Variants in COL5A3 observed in about 807,000 individuals in gnomAD.
The protein encoded by COL5A3 is collagen type V alpha 3 chain, also known as collagen alpha-3(V) chain.
A neutral mutation model predicts 250.0 loss-of-function variants in COL5A3; 172 were observed. The observed-to-expected ratio is 0.69, with a 90% CI of 0.61 to 0.78. The LOEUF is 0.78. Among genes scored for constraint, COL5A3 ranks in the 30% least tolerant of loss-of-function variants. The pLI, the probability that COL5A3 is intolerant of heterozygous loss-of-function variation, is 0.00. For missense variants in COL5A3, 2,340 were observed against 2,334.4 expected, an observed-to-expected ratio of 1.00 and a Z score of -0.05; for synonymous variants, 937 against 900.4, an observed-to-expected ratio of 1.04 and a Z score of -0.73.
At chr19:10,000,790 C>T (rs1300076310) in intron 8 of COL5A3, among the ~76,000 whole-genome samples, 1 of 152,082 alleles carries the variant, frequency 6.6e-6, no homozygotes, top group African/African-American at 2.4e-5. Context: ...GTAGAAATCC[C>T]TTCTAAGACC....
Position 9,973,042 on chromosome 19 carries a change from T to C in COL5A3, c.3667-16A>G. 1 of 1,587,846 alleles carries C rather than the reference T, an allele frequency of 6.3e-7. No individual in the cohort carries two copies. The highest frequency in any genetic ancestry group is 1.1e-5 in the South Asian group (1 of 87,522). On this transcript the variant is annotated splice_polypyrimidine_tract_variant and intron_variant, in intron 50 of 66. Transcript: ENST00000264828. ...CCTTGGGCCCCTTTACAGAAAGAGG[T>C]CAGAGGTCAGAGTGGCCTGGACTCT... is the stretch of plus-strand genomic sequence containing the variant.
intron 8 of COL5A3, 75 bp from the exon 9 acceptor site, chr19:9,998,224 AC>A: frequency 7.7e-7 from 1 of 1,295,966 alleles, no homozygotes; most frequent in Non-Finnish European, 1.1e-6. Context: ...ATCTGATCAC[AC>A]ACACTTGCAC....
Position 9,980,074 on chromosome 19 carries a change from T to TG in COL5A3, c.2605-28_2605-27insC, listed in dbSNP as rs2086985995. ...TGAAATGGAAACAGAAATCATGATC[T>TG]CATCCCCCCTGCCTCCCTGCCCACT... On this transcript the variant is annotated intron_variant, in intron 35 of 66. Transcript: ENST00000264828. 5.7e-6 allele frequency: 9 copies of TG among 1,584,628 alleles called. No homozygotes were observed. The Admixed American group carries it at 1.7e-4, about 30-fold the overall frequency.
chr19:9,977,102 G>C (rs1335768045), intron 44 of COL5A3, 127 bp downstream of exon 44: 1 of 888,450 alleles, frequency 1.1e-6, no homozygotes, highest in African/African-American at 1.7e-5. Context: ...TAATTGTCAA[G>C]ATGGTACCCG....
rs890005459 is a variant in COL5A3, at chr19:10,010,486, T to C, written c.-101A>G. ...CAGTCACTCGCGGCGGCCGCTCCTCTCAGGGTCCGCGGGAAACTGCCCGAG... is the reference window on the plus strand; with the variant it reads ...CAGTCACTCGCGGCGGCCGCTCCTCCCAGGGTCCGCGGGAAACTGCCCGAG... On this transcript the variant is annotated 5_prime_UTR_variant, in exon 1 of 67. Coordinates refer to ENST00000264828, the MANE Select transcript of COL5A3 (RefSeq NM_015719.4). 17 of 750,540 alleles carry C rather than the reference T, an allele frequency of 2.3e-5. No individual in the cohort carries two copies. The highest frequency in any genetic ancestry group is 1.7e-4 in the Admixed American group (4 of 23,018). 46.5% of individuals were successfully genotyped at this position (750,540 alleles called of 1,614,324 possible).
chr19:9,966,578 C>A lies in COL5A3; in HGVS notation c.4627G>T (p.Val1543Leu). The A allele has an allele frequency of 6.5e-7, 1 of 1,542,386 alleles. No homozygotes were observed. Among genetic ancestry groups the A allele is most frequent in the Non-Finnish European group, 8.7e-7 (1 of 1,147,506 alleles). Residue 1543 changes from valine (V) to leucine (L), a missense_variant, in exon 63 of 67, where the codon GTG becomes TTG. Physicochemically the swap from Val to Leu is conservative, Grantham distance 32. This residue lies in a region of COL5A3 where 1,179 missense variants were observed against 1,162.6 expected (regional missense o/e 1.01). Transcript: ENST00000264828. ...PPGTAERPGL[V>L]CHELHRNHPH... ...TGGTTGCGGTGCAGCTCGTGGCACA[C>A]GAGGCCCGGGCGCTCCGCAGTGCCG...
chr19:9,968,002 A>G lies in COL5A3; in HGVS notation c.4368+24T>C, dbSNP rs2086778202. 6.3e-7 allele frequency: 1 copy of G among 1,595,944 alleles called. No homozygotes were observed. Among genetic ancestry groups the G allele is most frequent in the African/African-American group, 1.4e-5 (1 of 73,926 alleles). On this transcript the variant is annotated intron_variant, in intron 60 of 66. Coordinates refer to ENST00000264828, the MANE Select transcript of COL5A3 (RefSeq NM_015719.4). This position sits in a 1 kb window ranked among gnomAD's most constrained non-coding sequence, Gnocchi z 4.1. ...TGGACCACCACAGTGACCTCATCCC[A>G]CAAAAGATTCCCTGCATACTCACCG...
In COL5A3 at chr19:10,001,609, T is replaced by C; in HGVS notation, c.1025A>G (p.Glu342Gly). 6.2e-7 allele frequency: 1 copy of C among 1,614,084 alleles called. No individual in the cohort carries two copies. The highest frequency in any genetic ancestry group is 1.3e-5 in the African/African-American group (1 of 75,010). Residue 342 changes from glutamate (E) to glycine (G), a missense_variant, in exon 8 of 67, where the codon GAG becomes GGG. Around this residue, in one of 3 missense-constraint regions of COL5A3, gnomAD observed 1,152 missense variants for 1,146.3 expected, o/e 1.00. Transcript: ENST00000264828. The stretch of plus-strand genomic sequence containing the variant: ...GGTGGAATCATCTCCTTCTTCATCC[T>C]CCCTGGCTGCCTTGGTCTCCAGGGT... ...LGTLETKAAR[E>G]DEEGDDSTMG...
intron 31 of COL5A3, among the ~76,000 whole-genome samples, chr19:9,982,781 G>A (rs960480909): frequency 5.9e-5 from 9 of 152,216 alleles, no homozygotes; most frequent in African/African-American, 1.4e-4. Flanking sequence ...GTGGCATCCC[G>A]CCTCAAAGCC....
chr19:10,007,058 C>A (rs9797822), intron 1 of COL5A3, among the ~76,000 whole-genome samples: 38,868 of 149,438 alleles, frequency 0.26, 5,416 homozygotes, highest in South Asian at 0.34. Flanking sequence ...CTCTGACTTT[C>A]CCCTTTGACC....
chr19:9,971,543 G>A (rs189808587), intron 51 of COL5A3, among the ~76,000 whole-genome samples: 166 of 152,018 alleles, frequency 1.1e-3, no homozygotes, highest in East Asian at 4.1e-3. Flanking sequence ...TCATTGATTC[G>A]TCTATTCATT....
chr19:9,997,360 G>C lies in COL5A3; in HGVS notation c.1263+11C>G. 2 of 1,603,110 alleles carry C rather than the reference G, an allele frequency of 1.2e-6. No homozygotes were observed. Among genetic ancestry groups the C allele is most frequent in the African/African-American group, 2.7e-5 (2 of 74,874 alleles). ...CTCTGAGAAGTGTACACCCCAGTGG[G>C]AGTCTCTTACCGGTGGACCAGGGTC... On this transcript the variant is annotated intron_variant, in intron 11 of 66. Coordinates refer to ENST00000264828, the MANE Select transcript of COL5A3 (RefSeq NM_015719.4).
In COL5A3 at chr19:10,001,602, T is replaced by G; in HGVS notation, c.1032A>C (p.Glu344Asp). The G allele has an allele frequency of 6.2e-7, 1 of 1,614,118 alleles. No homozygotes were observed. The highest frequency in any genetic ancestry group is 8.5e-7 in the Non-Finnish European group (1 of 1,179,996). ...GGCCCATGGTGGAATCATCTCCTTCTTCATCCTCCCTGGCTGCCTTGGTCT... is the reference window on the plus strand; with the variant it reads ...GGCCCATGGTGGAATCATCTCCTTCGTCATCCTCCCTGGCTGCCTTGGTCT... Reference protein sequence around the residue: ...TLETKAAREDEEGDDSTMGPD... With the variant: ...TLETKAAREDDEGDDSTMGPD... Residue 344 changes from glutamate (E) to aspartate (D), a missense_variant, in exon 8 of 67, where the codon GAA (glutamate) becomes GAC (aspartate). This residue lies in a region of COL5A3 where 1,152 missense variants were observed against 1,146.3 expected (regional missense o/e 1.00). Coordinates refer to ENST00000264828, the MANE Select transcript of COL5A3 (RefSeq NM_015719.4).
At position 10,006,080 on chromosome 19, in the gene COL5A3, G is replaced by C; in HGVS notation, c.240C>G (p.Leu80=). ...CCTCCTACTCCAACTCACCTGGAAA[G>C]AGTTCCCACGTGGGGATGCCGAGCG... is the stretch of plus-strand genomic sequence containing the variant. ...ASTLGIPTWE[L]FPEGHFPENF... is the part of the protein sequence containing the mutation. The change falls in exon 2 of 67, where the codon CTC becomes CTG. Residue 80 remains leucine, a synonymous_variant. Transcript: ENST00000264828. 2 of 1,614,020 alleles carry C rather than the reference G, an allele frequency of 1.2e-6. No homozygotes were observed. Among genetic ancestry groups the C allele is most frequent in the Non-Finnish European group, 1.7e-6 (2 of 1,179,908 alleles).
intron 31 of COL5A3, among the ~76,000 whole-genome samples, chr19:9,982,407 A>T (rs1394771738): frequency 1.3e-5 from 2 of 151,976 alleles, no homozygotes; most frequent in Non-Finnish European, 2.9e-5. Context: ...TCTCATTCAG[A>T]TGTCACCTCC....
intron 61 of COL5A3, 51 bp from the exon 62 acceptor site, chr19:9,967,451 CCA>C: frequency 7.6e-7 from 1 of 1,310,182 alleles, no homozygotes; most frequent in South Asian, 1.5e-5. Flanking sequence ...GAGACCCTTC[CCA>C]CCAACATACA....
At chr19:9,978,213 C>T (rs2086951587) in intron 41 of COL5A3, among the ~76,000 whole-genome samples, 1 of 152,042 alleles carries the variant, frequency 6.6e-6, no homozygotes, top group African/African-American at 2.4e-5. Context: ...GGCTTCCCAT[C>T]ATGGCTATTT....
At chr19:10,001,720 G>C (rs764654433) in intron 7 of COL5A3, 48 bp downstream of exon 7, 1 of 1,612,668 alleles carries the variant, frequency 6.2e-7, no homozygotes, top group East Asian at 2.2e-5. Context: ...CTTATTTTCT[G>C]CCACCCCCGT....
chr19:9,999,043 T>TTTCTATCC (rs1457618393), intron 8 of COL5A3, among the ~76,000 whole-genome samples: 1 of 133,426 alleles, frequency 7.5e-6, no homozygotes, highest in Non-Finnish European at 1.7e-5. Flanking sequence ...TTTTTCTTTC[T>TTTCTATCC]CTTTCTTTCT....
Sources: allele counts gnomAD v4.1 joint callset (sites outside exome capture counted in the v4.1 genomes callset), GRCh38; gene constraint gnomAD v4.1.1; regional missense constraint gnomAD v4.1.1; non-coding constraint Gnocchi (gnomAD v3.1); transcripts MANE v1.5; gene names NCBI Gene and HGNC (gene_info 2026-07-23, HGNC 2026-07-21).